Variants in CDH12 observed in about 807,000 individuals in gnomAD.
The protein encoded by CDH12 is cadherin-12.
A neutral mutation model predicts 74.1 loss-of-function variants in CDH12; 41 were observed. The ratio of observed to expected loss-of-function variants is 0.55; its 90% CI spans 0.43 to 0.72. The LOEUF (loss-of-function observed/expected upper bound fraction) is 0.72. CDH12 is among the 30% of genes least tolerant of loss of function. The pLI is 0.00. For missense variants in CDH12, 945 were observed against 977.2 expected, an observed-to-expected ratio of 0.97 and a Z score of 0.44; for synonymous variants, 399 against 355.0, an observed-to-expected ratio of 1.12 and a Z score of -1.39.
chr5:22,599,945 A>G (rs1736777939), intron 1 of CDH12, among the ~76,000 whole-genome samples: 1 of 152,214 alleles, frequency 6.6e-6, no homozygotes, highest in South Asian at 2.1e-4. Context: ...TTCCAGCCAC[A>G]TACTGCATGT....
intron 1 of CDH12, among the ~76,000 whole-genome samples, chr5:22,624,808 G>A (rs1428883522): frequency 1.3e-5 from 2 of 152,118 alleles, no homozygotes. Context: ...TTCCATTACT[G>A]GGTATATACC....
At chr5:21,819,547 A>G (rs545150706) in intron 8 of CDH12, among the ~76,000 whole-genome samples, 1 of 152,178 alleles carries the variant, frequency 6.6e-6, no homozygotes, top group Admixed American at 6.6e-5. Flanking sequence ...ACGATTGGTC[A>G]TAGTCCAAAC....
chr5:22,839,224 A>C (rs1736977305), intron 1 of CDH12, among the ~76,000 whole-genome samples: 1 of 152,216 alleles, frequency 6.6e-6, no homozygotes, highest in South Asian at 2.1e-4. Context: ...AAAATAGATG[A>C]AAATATTTAC....
At chr5:22,616,657 T>G (rs914375549) in intron 1 of CDH12, among the ~76,000 whole-genome samples, 9 of 152,012 alleles carry the variant, frequency 5.9e-5, no homozygotes, top group African/African-American at 2.2e-4. Flanking sequence ...GTAAAACTAC[T>G]TGATATGATG....
intron 8 of CDH12, among the ~76,000 whole-genome samples, chr5:21,819,723 A>C (rs1419763205): frequency 6.6e-6 from 1 of 152,058 alleles, no homozygotes; most frequent in African/African-American, 2.4e-5. Flanking sequence ...ACAAGTGTTC[A>C]GAGAGACAGA....
chr5:21,949,428 C>T (rs1268163482), intron 6 of CDH12, among the ~76,000 whole-genome samples: 1 of 141,736 alleles, frequency 7.1e-6, no homozygotes, highest in East Asian at 2.0e-4. Context: ...CCAGCCTGTG[C>T]GACAGAACGA....
chr5:22,563,012 A>G (rs1739131906), intron 1 of CDH12, among the ~76,000 whole-genome samples: 1 of 147,572 alleles, frequency 6.8e-6, no homozygotes, highest in Non-Finnish European at 1.5e-5. Context: ...GCAAATATAT[A>G]TTTCTATATT....
At chr5:22,447,943 C>A (rs985054362) in intron 2 of CDH12, among the ~76,000 whole-genome samples, 11 of 146,878 alleles carry the variant, frequency 7.5e-5, no homozygotes, top group Admixed American at 6.9e-5. Context: ...GAATTCAAGA[C>A]CAACCTGGGC....
chr5:21,943,313 A>G lies in CDH12; in HGVS notation c.526+31778T>C, dbSNP rs559364159. Among the ~76,000 whole-genome samples the G allele has an allele frequency of 5.2e-4, 79 of 152,348 alleles. 2 individuals carry two copies. In the South Asian group the frequency reaches 0.016, roughly 30 times the overall value. On this transcript the variant is annotated intron_variant, in intron 6 of 14. Coordinates refer to ENST00000382254, the MANE Select transcript of CDH12 (RefSeq NM_004061.5). ...TTTTCTGTTTATAGTTAGCATTTAC[A>G]AAGTTTACAGTAAAATTTTTACTTA...
At chr5:22,242,296 C>T (rs1284172657) in intron 3 of CDH12, among the ~76,000 whole-genome samples, 1 of 152,102 alleles carries the variant, frequency 6.6e-6, no homozygotes, top group Non-Finnish European at 1.5e-5. Flanking sequence ...CCTAATTATA[C>T]CTGGATTCTC....
intron 6 of CDH12, among the ~76,000 whole-genome samples, chr5:21,974,072 A>C (rs1283802520): frequency 2.0e-5 from 3 of 152,136 alleles, no homozygotes; most frequent in Admixed American, 6.6e-5. Flanking sequence ...TAGTAAATCC[A>C]TGTGACAGCT....
intron 4 of CDH12, among the ~76,000 whole-genome samples, chr5:22,123,542 A>G (rs1013897014): frequency 4.6e-5 from 7 of 152,202 alleles, no homozygotes; most frequent in Non-Finnish European, 7.3e-5. Flanking sequence ...GAGGTCTAGA[A>G]AGCCAGAGAA....
intron 4 of CDH12, among the ~76,000 whole-genome samples, chr5:22,185,934 T>C (rs1483999137): frequency 2.6e-5 from 4 of 152,220 alleles, no homozygotes; most frequent in Non-Finnish European, 5.9e-5. Flanking sequence ...GACTTCATCA[T>C]AACCAGTAGG....
intron 3 of CDH12, among the ~76,000 whole-genome samples, chr5:22,341,166 G>A (rs1739831057): frequency 1.3e-5 from 2 of 152,096 alleles, no homozygotes; most frequent in Non-Finnish European, 2.9e-5. Flanking sequence ...GTGTCTCTCT[G>A]CCTGTTCATG....
intron 4 of CDH12, among the ~76,000 whole-genome samples, chr5:22,146,329 G>A (rs1157606989): frequency 1.3e-5 from 2 of 151,904 alleles, no homozygotes; most frequent in South Asian, 2.1e-4. Context: ...TTTTAACAAC[G>A]GGGTCATGAA....
At chr5:22,625,133 G>C (rs978711741) in intron 1 of CDH12, among the ~76,000 whole-genome samples, 2 of 152,036 alleles carry the variant, frequency 1.3e-5, no homozygotes, top group African/African-American at 4.8e-5. Context: ...ACACAGGAAG[G>C]GGAACATCAC....
intron 4 of CDH12, among the ~76,000 whole-genome samples, chr5:22,199,142 T>C (rs775068440): frequency 2.7e-4 from 41 of 152,122 alleles, no homozygotes; most frequent in Non-Finnish European, 4.7e-4. Context: ...TTCCTCCAAA[T>C]ATGGAACAAA....
At chr5:22,035,573 A>AC (rs1739117674) in intron 5 of CDH12, among the ~76,000 whole-genome samples, 1 of 152,116 alleles carries the variant, frequency 6.6e-6, no homozygotes, top group African/African-American at 2.4e-5. Context: ...AAACTCAATT[A>AC]CCAAGAGAAA....
chr5:22,390,612 A>AGATAGAT (rs1299059076), intron 3 of CDH12, among the ~76,000 whole-genome samples: 1 of 148,632 alleles, frequency 6.7e-6, no homozygotes, highest in East Asian at 2.1e-4. Flanking sequence ...ATAGATAGAT[A>AGATAGAT]GATAGATAGA....
Sources: gnomAD v4.1 joint callset for allele counts (sites outside exome capture counted in the v4.1 genomes callset) on GRCh38, gnomAD v4.1.1 for gene constraint, MANE v1.5 for transcripts, NCBI Gene and HGNC (gene_info 2026-07-23, HGNC 2026-07-21) for gene names.